The following MTUS2 variants were observed in gnomAD, a reference collection of about 807,000 sequenced individuals.
The protein encoded by MTUS2 is microtubule associated scaffold protein 2.
In MTUS2, 40 loss-of-function variants were observed where a neutral mutation model predicts 114.1. The observed-to-expected ratio is 0.35, with a 90% CI of 0.27 to 0.46. The LOEUF (loss-of-function observed/expected upper bound fraction) is 0.46. Among genes scored for constraint, MTUS2 ranks in the 20% least tolerant of loss-of-function variants. MTUS2 has a pLI of 1.00. For synonymous variants in MTUS2, 688 were observed against 672.0 expected, an observed-to-expected ratio of 1.02 and a Z score of -0.37; for missense variants, 1,679 against 1,705.4, an observed-to-expected ratio of 0.98 and a Z score of 0.27.
chr13:28,923,167 TTTTA>T (rs1192234349), intron 2 of MTUS2, among the ~76,000 whole-genome samples: 3 of 152,206 alleles, frequency 2.0e-5, no homozygotes, highest in Admixed American at 6.5e-5. Context: ...TGTTTTTCCT[TTTTA>T]TTTGTTTTAT....
At chr13:29,437,880 A>G (rs1030075641) in intron 8 of MTUS2, among the ~76,000 whole-genome samples, 10 of 151,752 alleles carry the variant, frequency 6.6e-5, no homozygotes, top group Admixed American at 5.3e-4. Flanking sequence ...CCTGGGAGGT[A>G]GAGGTTGCAG....
intron 5 of MTUS2, among the ~76,000 whole-genome samples, chr13:29,200,521 G>GTTTTTTTTTTTTTTTTTTTTTTTT (rs56965083): frequency 9.4e-5 from 8 of 85,430 alleles, no homozygotes; most frequent in African/African-American, 1.5e-4. Context: ...TTCTTTTTCT[G>GTTTTTTTTTTTTTTTTTTTTTTTT]TTTTTTTTTT....
Position 29,504,294 on chromosome 13 carries a change from A to C in MTUS2, c.*1088A>C, listed in dbSNP as rs56211919. 27,087 of 231,956 alleles carry C rather than the reference A, an allele frequency of 0.12. 1,923 individuals are homozygous for C. The highest frequency in any genetic ancestry group is 0.15 in the Non-Finnish European group (17,616 of 117,066). 14.4% of individuals were successfully genotyped at this position (231,956 alleles called of 1,614,324 possible). Reference sequence around the variant, plus strand: ...ATCAACTCTTTGAAATAGGACCCTCAGGCCCCCATTTCCTAGCAGCCCCCC... The same window carrying C: ...ATCAACTCTTTGAAATAGGACCCTCCGGCCCCCATTTCCTAGCAGCCCCCC... On this transcript the variant is annotated 3_prime_UTR_variant, in exon 16 of 16. Coordinates refer to ENST00000612955, the MANE Select transcript of MTUS2 (RefSeq NM_001033602.4).
chr13:28,844,564 G>A (rs1214018237), intron 2 of MTUS2, among the ~76,000 whole-genome samples: 1 of 143,736 alleles, frequency 7.0e-6, no homozygotes, highest in African/African-American at 2.5e-5. Context: ...AGGGAGGGAG[G>A]AAGGGGTCTG....
chr13:29,315,490 T>C (rs1343321590), intron 6 of MTUS2, among the ~76,000 whole-genome samples: 1 of 152,144 alleles, frequency 6.6e-6, no homozygotes, highest in Non-Finnish European at 1.5e-5. Flanking sequence ...TTTTAAAAGG[T>C]ATGCAAAGAA....
chr13:29,289,925 T>C (rs1053161353), intron 6 of MTUS2, among the ~76,000 whole-genome samples: 6 of 152,218 alleles, frequency 3.9e-5, no homozygotes, highest in African/African-American at 1.2e-4. Context: ...ATTGATGTTT[T>C]TGCTTTACCC....
intron 9 of MTUS2, among the ~76,000 whole-genome samples, chr13:29,477,913 A>G (rs1210018538): frequency 6.6e-6 from 1 of 152,192 alleles, no homozygotes; most frequent in Non-Finnish European, 1.5e-5. Context: ...CACTACATAA[A>G]TAATTTAAAA....
intron 8 of MTUS2, among the ~76,000 whole-genome samples, chr13:29,377,954 C>T (rs976493243): frequency 2.6e-5 from 4 of 152,204 alleles, no homozygotes; most frequent in Non-Finnish European, 5.9e-5. Context: ...AAAGAATGGG[C>T]TGTTGGTATA....
rs1566174374 is a variant in MTUS2, at chr13:29,389,827, GTGTATATATACATACA to G, written c.3117+30356_3117+30371del. ...CATATGTGTATATATACATACATAT[GTGTATATATACATACA>G]TATGTGTATATATACATACATATGT... On this transcript the variant is annotated intron_variant, in intron 8 of 15. Transcript: ENST00000612955. Among the ~76,000 whole-genome samples, 11 of 9,352 alleles carry G rather than the reference GTGTATATATACATACA, an allele frequency of 1.2e-3. 3 individuals carry two copies. Among genetic ancestry groups the G allele is most frequent in the Admixed American group, 8.5e-3 (4 of 470 alleles). The allele number at this position is 9,352 out of a possible 152,430, so 6.1% of individuals were successfully genotyped here. A position where few individuals can be genotyped will look rare whatever the true frequency, so the allele number is the denominator to read the frequency against.
At chr13:29,264,679 G>A (rs1479450407) in intron 5 of MTUS2, among the ~76,000 whole-genome samples, 1 of 152,242 alleles carries the variant, frequency 6.6e-6, no homozygotes, top group East Asian at 1.9e-4. Context: ...CTTACAGCTT[G>A]CACCCTCTGA....
At chr13:29,174,025 T>C (rs953947019) in intron 5 of MTUS2, among the ~76,000 whole-genome samples, 1 of 152,144 alleles carries the variant, frequency 6.6e-6, no homozygotes, top group African/African-American at 2.4e-5. Flanking sequence ...TATTGTGACA[T>C]TGTGCTTGCA....
At chr13:28,847,342 C>T (rs1875956736) in intron 2 of MTUS2, among the ~76,000 whole-genome samples, 1 of 151,872 alleles carries the variant, frequency 6.6e-6, no homozygotes, top group African/African-American at 2.4e-5. Context: ...GTTTTTGCCT[C>T]CCAGATAGAG....
At chr13:29,292,131 G>A (rs1191408334) in intron 6 of MTUS2, among the ~76,000 whole-genome samples, 6 of 152,182 alleles carry the variant, frequency 3.9e-5, no homozygotes, top group African/African-American at 1.4e-4. Flanking sequence ...AGGTGTTTGA[G>A]TTATTTTAAT....
intron 7 of MTUS2, among the ~76,000 whole-genome samples, chr13:29,347,477 G>A (rs1254910673): frequency 6.6e-6 from 1 of 151,750 alleles, no homozygotes; most frequent in African/African-American, 2.4e-5. Flanking sequence ...GGACCTTTCT[G>A]TTATTGATCT....
In MTUS2 at chr13:28,870,654, T is replaced by G. The variant is rs576135834; in HGVS notation, c.-243+30804T>G. On this transcript the variant is annotated intron_variant, in intron 2 of 15. Coordinates refer to ENST00000612955, the MANE Select transcript of MTUS2 (RefSeq NM_001033602.4). Reference sequence around the variant, plus strand: ...TTGTAGGAGCAGGTCCTGAGAGAGATAGTAAGTTGTTTTGAAGCCAGAGAC... The same window carrying G: ...TTGTAGGAGCAGGTCCTGAGAGAGAGAGTAAGTTGTTTTGAAGCCAGAGAC... Among the ~76,000 whole-genome samples, 6 of 152,264 alleles carry G rather than the reference T, an allele frequency of 3.9e-5. No homozygotes were observed. The East Asian group carries it at 5.8e-4, about 15-fold the overall frequency.
intron 8 of MTUS2, among the ~76,000 whole-genome samples, chr13:29,425,067 G>A (rs1876408394): frequency 6.6e-6 from 1 of 152,116 alleles, no homozygotes; most frequent in Admixed American, 6.5e-5. Context: ...ATAATTTTTA[G>A]CAATGCATAC....
chr13:29,354,908 T>C (rs1178949107), intron 7 of MTUS2, among the ~76,000 whole-genome samples: 1 of 152,252 alleles, frequency 6.6e-6, no homozygotes, highest in Non-Finnish European at 1.5e-5. Context: ...TGTCCTGCTG[T>C]CTGTCACGAT....
intron 2 of MTUS2, among the ~76,000 whole-genome samples, chr13:28,879,460 G>A (rs547714730): frequency 1.3e-5 from 2 of 151,994 alleles, no homozygotes; most frequent in African/African-American, 4.8e-5. Flanking sequence ...GGGCCTGGTG[G>A]GGGGGCTCCA....
At chr13:28,887,762 C>A (rs1213621032) in intron 2 of MTUS2, among the ~76,000 whole-genome samples, 1 of 152,158 alleles carries the variant, frequency 6.6e-6, no homozygotes, top group African/African-American at 2.4e-5. Context: ...GGACCTTTTT[C>A]TTCTCCCATG....
Sources: gnomAD v4.1 joint callset for allele counts (sites outside exome capture counted in the v4.1 genomes callset) on GRCh38, gnomAD v4.1.1 for gene constraint, MANE v1.5 for transcripts, NCBI Gene and HGNC (gene_info 2026-07-23, HGNC 2026-07-21) for gene names.